PCDH7: variants seen among roughly 807,000 people sequenced by gnomAD.
The protein encoded by PCDH7 is protocadherin-7.
PCDH7 carries 17 observed loss-of-function variants against 58.9 expected under a neutral mutation model. That is an observed-to-expected ratio of 0.29 (90% CI 0.20 to 0.43). PCDH7 has a LOEUF of 0.43. Ranked by LOEUF, PCDH7 falls within the 20% of genes least tolerant of loss-of-function variation. PCDH7 has a pLI of 1.00. For synonymous variants in PCDH7, 664 were observed against 616.4 expected (o/e 1.08, Z -1.14); for missense variants, 1,274 against 1,441.0 (o/e 0.88, Z 1.88).
intron 3 of PCDH7, among the ~76,000 whole-genome samples, chr4:31,110,908 A>G (rs938458780): frequency 1.7e-4 from 25 of 150,306 alleles, no homozygotes; most frequent in Non-Finnish European, 3.3e-4. Flanking sequence ...GAGCGAGACT[A>G]TGTCTAAAAA....
chr4:30,915,998 A>T (rs1742425115), intron 1 of PCDH7, among the ~76,000 whole-genome samples: 1 of 152,084 alleles, frequency 6.6e-6, no homozygotes, highest in Non-Finnish European at 1.5e-5. Context: ...TTATGCCTCC[A>T]TTTTGCTGGA....
At chr4:31,057,723 T>C (rs61794079) in intron 3 of PCDH7, among the ~76,000 whole-genome samples, 5,879 of 152,192 alleles carry the variant, frequency 0.039, 376 homozygotes, top group East Asian at 0.32. Flanking sequence ...TTACTATACA[T>C]CTCCATCACT....
intron 3 of PCDH7, among the ~76,000 whole-genome samples, chr4:30,968,368 TACACAC>T (rs1433603042): frequency 8.6e-6 from 1 of 115,982 alleles, no homozygotes; most frequent in African/African-American, 3.3e-5. Context: ...ACTATATATA[TACACAC>T]ACTATATATA....
At chr4:31,093,430 C>T (rs1451004684) in intron 3 of PCDH7, among the ~76,000 whole-genome samples, 1 of 152,010 alleles carries the variant, frequency 6.6e-6, no homozygotes, top group Non-Finnish European at 1.5e-5. Flanking sequence ...CTTCTTTCTA[C>T]TTTTTTGTGT....
intron 1 of PCDH7, among the ~76,000 whole-genome samples, chr4:30,805,407 G>A (rs1332787131): frequency 6.6e-6 from 1 of 152,168 alleles, no homozygotes; most frequent in Non-Finnish European, 1.5e-5. Context: ...TCTATAAAAT[G>A]AGGATAATAC....
chr4:30,721,398 G>A lies in PCDH7; in HGVS notation c.-25G>A, dbSNP rs117841610. 36,623 of 1,469,280 alleles carry A rather than the reference G, an allele frequency of 0.025. 1,683 individuals are homozygous for A. The highest frequency in any genetic ancestry group is 0.21 in the East Asian group (8,439 of 40,498). The allele number at this position is 1,469,280 out of a possible 1,614,324, so 91.0% of individuals were successfully genotyped here. ...GCCGAGGGGGCTGTGGTTAGAAGGA[G>A]CAGTAGCAGCAGCAGCAGGAGAAGA... On this transcript the variant is annotated 5_prime_UTR_variant, in exon 1 of 2. Transcript: ENST00000361762. This position sits in a 1 kb window ranked among gnomAD's most constrained non-coding sequence, Gnocchi z 6.7.
At chr4:31,033,520 A>T (rs1357122287) in intron 3 of PCDH7, among the ~76,000 whole-genome samples, 2 of 152,222 alleles carry the variant, frequency 1.3e-5, no homozygotes, top group African/African-American at 4.8e-5. Flanking sequence ...CAATTGCGTC[A>T]TGTTATACAA....
At chr4:30,762,286 A>T (rs953992560) in intron 1 of PCDH7, among the ~76,000 whole-genome samples, 8 of 152,150 alleles carry the variant, frequency 5.3e-5, no homozygotes, top group African/African-American at 1.9e-4. Flanking sequence ...AATAGGAAAC[A>T]TTATAACAAA....
intron 1 of PCDH7, among the ~76,000 whole-genome samples, chr4:30,901,427 A>T (rs949668006): frequency 4.6e-5 from 7 of 152,138 alleles, no homozygotes; most frequent in African/African-American, 1.7e-4. Context: ...TTAGGGCCAG[A>T]GTAGATTTTT....
At chr4:31,111,455 C>G (rs61794133) in intron 3 of PCDH7, among the ~76,000 whole-genome samples, 1 of 151,936 alleles carries the variant, frequency 6.6e-6, no homozygotes, top group South Asian at 2.1e-4. Context: ...ATTACAAGCG[C>G]CCGCAACCAC....
At chr4:31,081,635 G>A (rs1049302216) in intron 3 of PCDH7, among the ~76,000 whole-genome samples, 1 of 152,100 alleles carries the variant, frequency 6.6e-6, no homozygotes, top group African/African-American at 2.4e-5. Flanking sequence ...GAGATTATGT[G>A]AGCTGATCTC....
At position 30,723,069 on chromosome 4, in the gene PCDH7, C is replaced by T. The variant is rs1577530676; in HGVS notation, c.1647C>T (p.Ile549=). The T allele has an allele frequency of 9.3e-6, 15 of 1,613,890 alleles. No individual in the cohort carries two copies. Among genetic ancestry groups the T allele is most frequent in the Non-Finnish European group, 1.3e-5 (15 of 1,180,038 alleles). Residue 549 remains isoleucine (I), a synonymous_variant, in exon 1 of 2, where the codon ATC becomes ATT. Coordinates refer to ENST00000361762, the Ensembl canonical transcript of PCDH7. The surrounding 1 kb of genome is among the most constrained non-coding windows in gnomAD (Gnocchi z 4.6). The stretch of plus-strand genomic sequence containing the variant: ...AGGTTTACTTCCCTGAGAACAACAT[C>T]CCGGGCGAGAGGGTGGCCACGGTGC...
At chr4:30,894,514 TATACAC>T (rs1209059527) in intron 1 of PCDH7, among the ~76,000 whole-genome samples, 190 of 48,016 alleles carry the variant, frequency 4.0e-3, no homozygotes, top group African/African-American at 0.02. Context: ...TATATATATA[TATACAC>T]ACACACACAC....
At chr4:30,837,456 T>C (rs1443775175) in intron 1 of PCDH7, among the ~76,000 whole-genome samples, 1 of 147,336 alleles carries the variant, frequency 6.8e-6, no homozygotes, top group East Asian at 2.0e-4. Context: ...TCTAGGAGAG[T>C]GTTGTGTCAT....
chr4:31,113,981 C>T lies in PCDH7; in HGVS notation c.*8-28492C>T, dbSNP rs115985752. 7.0e-3 allele frequency among the ~76,000 whole-genome samples: 1,068 copies of T among 151,758 alleles called. 12 individuals are homozygous for T. Among genetic ancestry groups the T allele is most frequent in the African/African-American group, 0.024 (978 of 41,412 alleles). Reference sequence around the variant, plus strand: ...CCTGGTAGCTGGGATTATAGGCACCCGACACCGGGCTTGGCTAATTTTTAA... The same window carrying T: ...CCTGGTAGCTGGGATTATAGGCACCTGACACCGGGCTTGGCTAATTTTTAA... On this transcript the variant is annotated intron_variant, in intron 3 of 3. Coordinates refer to the PCDH7 transcript ENST00000509759.
chr4:30,723,223 C>T lies in PCDH7; in HGVS notation c.1801C>T (p.Gln601Ter). 6.2e-7 allele frequency: 1 copy of T among 1,614,216 alleles called. No homozygotes were observed. The change falls in exon 1 of 2, where the codon CAG becomes TAG. Residue 601 changes from glutamine (Q) to a stop codon, truncating the protein, a stop_gained. Coordinates refer to ENST00000361762, the Ensembl canonical transcript of PCDH7. LOFTEE classifies it high-confidence loss of function. The surrounding 1 kb of genome is among the most constrained non-coding windows in gnomAD (Gnocchi z 4.6). ...GGTCAATACCGTGCTGGACCGCGAG[C>T]AGACTGACAGGTATGAGTTTAAAGT...
chr4:31,119,632 C>A lies in PCDH7; in HGVS notation c.*8-22841C>A, dbSNP rs985168126. Among the ~76,000 whole-genome samples the A allele has an allele frequency of 3.3e-5, 5 of 152,008 alleles. 1 individual carries two copies. In the South Asian group the frequency reaches 1.0e-3, roughly 32 times the overall value. ...GACTTGAAGGACAAATGCTGGAGTT[C>A]GACCTTTTGACATGAGGTTTTATAT... On this transcript the variant is annotated intron_variant, in intron 3 of 3. Transcript: ENST00000509759.
intron 1 of PCDH7, among the ~76,000 whole-genome samples, chr4:30,805,838 A>C (rs1257333832): frequency 1.3e-5 from 2 of 152,186 alleles, no homozygotes; most frequent in Non-Finnish European, 2.9e-5. Flanking sequence ...TTTCTCTGAC[A>C]CTTCTATGCT....
intron 2 of PCDH7, among the ~76,000 whole-genome samples, chr4:30,923,249 T>A (rs973820153): frequency 2.6e-5 from 4 of 152,144 alleles, no homozygotes; most frequent in African/African-American, 4.8e-5. Flanking sequence ...AGAAGATAAT[T>A]TCTAGTGCAA....
Sources: gnomAD v4.1 joint callset for allele counts (sites outside exome capture counted in the v4.1 genomes callset) on GRCh38, gnomAD v4.1.1 for gene constraint, Gnocchi (gnomAD v3.1) non-coding constraint, MANE v1.5 for transcripts, NCBI Gene and HGNC (gene_info 2026-07-23, HGNC 2026-07-21) for gene names.